The following ZNF219 variants were observed in gnomAD, a reference collection of about 807,000 sequenced individuals.
The protein encoded by ZNF219 is zinc finger protein 219.
ZNF219 carries 17 observed loss-of-function variants against 54.4 expected under a neutral mutation model. The ratio of observed to expected loss-of-function variants is 0.31; its 90% CI spans 0.21 to 0.47. ZNF219 has a LOEUF of 0.47. ZNF219 is among the 20% of genes least tolerant of loss of function. The pLI is 1.00. For missense variants in ZNF219, 1,014 were observed against 1,062.3 expected (o/e 0.95, Z 0.63); for synonymous variants, 518 against 476.4 (o/e 1.09, Z -1.14).
At chr14:21,093,546 G>C in intron 2 of ZNF219, 40 bp downstream of exon 2, 1 of 1,597,930 alleles carries the variant, frequency 6.3e-7, no homozygotes, top group South Asian at 1.1e-5. Context: ...GGAGTATACA[G>C]TTGTAGGTAC....
chr14:21,104,086 C>T (rs1046329162), intron 1 of ZNF219: 1 of 152,422 alleles, frequency 6.6e-6, no homozygotes, highest in Non-Finnish European at 1.5e-5. Flanking sequence ...CTCGTCCCCT[C>T]CCCTAGGGCC....
chr14:21,093,762 G>T, intron 1 of ZNF219, 88 bp from the exon 2 acceptor site: 1 of 1,258,166 alleles, frequency 7.9e-7, no homozygotes, highest in Non-Finnish European at 1.1e-6. Flanking sequence ...TCAGCATTCT[G>T]TATTCCCAAA....
rs1303332325 is a variant in ZNF219 at position 21,093,211 on chromosome 14, T to C, written c.86A>G (p.Tyr29Cys). 2 of 1,605,850 alleles carry C rather than the reference T, an allele frequency of 1.2e-6. No homozygotes were observed. Among genetic ancestry groups the C allele is most frequent in the Non-Finnish European group, 1.7e-6 (2 of 1,179,286 alleles). ...AFDGELDLQR[Y>C]SNGPAVSAGS... ...TGCGCTCACGGCTGGCCCGTTGGAG[T>C]ATCGCTGCAGATCCAGCTCGCCGTC... is the stretch of plus-strand genomic sequence containing the variant. The change falls in exon 3 of 5, where the codon TAC becomes TGC. Residue 29 changes from tyrosine to cysteine, a missense_variant. Physicochemically the swap from Tyr to Cys is radical, Grantham distance 194. Coordinates refer to ENST00000360947, the MANE Select transcript of ZNF219 (RefSeq NM_016423.3).
At position 21,092,825 on chromosome 14, in the gene ZNF219, G is replaced by A; in HGVS notation, c.472C>T (p.Pro158Ser). The change falls in exon 3 of 5, where the codon CCT (proline) becomes TCT (serine). Residue 158 changes from proline to serine, a missense_variant. Transcript: ENST00000360947. ...GGGCAACGGAAGGCGGACGATGAAGGAGCCTGGGGCCGCGCCAGACCCTCA... is the reference window on the plus strand; with the variant it reads ...GGGCAACGGAAGGCGGACGATGAAGAAGCCTGGGGCCGCGCCAGACCCTCA... ...ATEGLARPQA[P>S]SSSAFRCPYC... is the part of the protein sequence containing the mutation. 6.3e-7 allele frequency: 1 copy of A among 1,575,918 alleles called. No homozygotes were observed. Among genetic ancestry groups the A allele is most frequent in the Non-Finnish European group, 8.6e-7 (1 of 1,161,630 alleles).
rs779055981 is a variant in ZNF219, at chr14:21,092,623, G to A, written c.674C>T (p.Ala225Val). 1.3e-6 allele frequency: 2 copies of A among 1,555,310 alleles called. No individual in the cohort carries two copies. The highest frequency in any genetic ancestry group is 2.4e-5 in the South Asian group (2 of 84,964). The change falls in exon 3 of 5, where the codon GCG (alanine) becomes GTG (valine). Residue 225 changes from alanine (A) to valine (V), a missense_variant. By Grantham distance (64) the Ala-to-Val change is moderately conservative. Around this residue, in one of 5 missense-constraint regions of ZNF219, gnomAD observed 395 missense variants for 415.1 expected, o/e 0.95. Transcript: ENST00000360947. ...PERPLAATSA[A>V]PPPQPQPQPP... ...CTGAGGCTGAGGCTGAGGCGGAGGC[G>A]CAGCGGAGGTGGCCGCCAGGGGACG...
chr14:21,093,743 C>A, intron 1 of ZNF219, 69 bp from the exon 2 acceptor site: 1 of 1,393,730 alleles, frequency 7.2e-7, no homozygotes. Context: ...ACTCCCTACC[C>A]CCAGACTCTC....
upstream of ZNF219, chr14:21,103,385 T>A: frequency 7.1e-7 from 1 of 1,415,904 alleles, no homozygotes; most frequent in Non-Finnish European, 9.3e-7. Flanking sequence ...CTTTTTTCGT[T>A]CCTTCCCTGT....
intron 3 of ZNF219, 55 bp downstream of exon 3, chr14:21,091,810 C>A: frequency 1.4e-6 from 2 of 1,480,826 alleles, no homozygotes; most frequent in South Asian, 1.4e-5. Context: ...GGAGTGGCGG[C>A]GTAAGAGTCA....
upstream of ZNF219, chr14:21,102,001 G>A: frequency 6.4e-7 from 1 of 1,550,840 alleles, no homozygotes; most frequent in Non-Finnish European, 8.7e-7. Context: ...AGGGAGGGTG[G>A]AAGGTCCCAG....
chr14:21,104,705 G>A (rs759562486), exon 1 of ZNF219: 2 of 152,288 alleles, frequency 1.3e-5, no homozygotes, highest in Non-Finnish European at 2.9e-5. Context: ...TTCTGTTTGT[G>A]ACACCTTGGA....
rs1023381696 is a variant in ZNF219, at chr14:21,092,033, G to T, written c.1264C>A (p.Arg422Ser). 5 of 1,548,944 alleles carry T rather than the reference G, an allele frequency of 3.2e-6. No individual in the cohort carries two copies. The highest frequency in any genetic ancestry group is 4.4e-6 in the Non-Finnish European group (5 of 1,146,740). The change falls in exon 3 of 5, where the codon CGT becomes AGT. Residue 422 changes from arginine to serine, a missense_variant. Arg to Ser is a moderately radical substitution (Grantham distance 110, BLOSUM62 -1). Coordinates refer to ENST00000360947, the MANE Select transcript of ZNF219 (RefSeq NM_016423.3). ...SALPARARRH[R>S]AEEPEEEEEV... ...TCTTCTTCCTCAGGCTCCTCCGCACGGTGCCGGCGAGCCCGGGCCGGGAGA... is the reference window on the plus strand; with the variant it reads ...TCTTCTTCCTCAGGCTCCTCCGCACTGTGCCGGCGAGCCCGGGCCGGGAGA...
chr14:21,091,136 C>T lies in ZNF219; in HGVS notation c.1569G>A (p.Glu523=), dbSNP rs1448736123. Residue 523 remains glutamate, a synonymous_variant, in exon 5 of 5, where the codon GAG becomes GAA. Transcript: ENST00000360947. ...LKVHLRVHTG[E]RPYKCPHCDY... ...CGCAGTGCGGACACTTGTAGGGCCG[C>T]TCGCCTGGGGAGAGTGGGTGCGATA... 3 of 1,594,296 alleles carry T rather than the reference C, an allele frequency of 1.9e-6. No homozygotes were observed. The highest frequency in any genetic ancestry group is 2.6e-6 in the Non-Finnish European group (3 of 1,174,716).
upstream of ZNF219, chr14:21,098,894 C>T (rs1000510519): frequency 2.4e-6 from 3 of 1,272,434 alleles, no homozygotes; most frequent in Non-Finnish European, 3.1e-6. Context: ...ATCTCAAAGC[C>T]TCTCCCTTAC....
chr14:21,101,653 G>A, upstream of ZNF219: 1 of 650,384 alleles, frequency 1.5e-6, no homozygotes, highest in East Asian at 2.7e-5. Flanking sequence ...CATCTTGTGG[G>A]GGAAAACATA....
upstream of ZNF219, chr14:21,098,937 G>A: frequency 9.8e-7 from 1 of 1,015,804 alleles, no homozygotes; most frequent in Non-Finnish European, 1.3e-6. Context: ...GAGGAGGAGG[G>A]GCGATTATAG....
upstream of ZNF219, chr14:21,103,226 G>A (rs200993615): frequency 4.5e-4 from 703 of 1,551,590 alleles, 2 homozygotes; most frequent in Non-Finnish European, 2.1e-4. Flanking sequence ...GGGACAGCGG[G>A]AACAGACACG....
In ZNF219 at chr14:21,090,638, T is replaced by G. The variant is rs758932724; in HGVS notation, c.2067A>C (p.Arg689=). The G allele has an allele frequency of 8.7e-5, 140 of 1,612,382 alleles. No homozygotes were observed. Among genetic ancestry groups the G allele is most frequent in the Non-Finnish European group, 1.1e-4 (124 of 1,179,806 alleles). Residue 689 remains arginine (R), a synonymous_variant, in exon 5 of 5, where the codon CGA becomes CGC. Coordinates refer to ENST00000360947, the MANE Select transcript of ZNF219 (RefSeq NM_016423.3). This position sits in a 1 kb window ranked among gnomAD's most constrained non-coding sequence, Gnocchi z 4.4. ...PQADASPPYA[R]VPSGETPPSP... Reference sequence around the variant, plus strand: ...TGGGAGGGGTCTCTCCTGATGGTACTCGGGCATAGGGCGGGGACGCGTCAG... The same window carrying G: ...TGGGAGGGGTCTCTCCTGATGGTACGCGGGCATAGGGCGGGGACGCGTCAG...
chr14:21,103,187 G>T (rs1489871996), upstream of ZNF219: 1 of 1,551,560 alleles, frequency 6.4e-7, no homozygotes, highest in East Asian at 2.4e-5. Context: ...TGGTCCCACG[G>T]TGGCCAGCAC....
chr14:21,104,268 C>G (rs775512509), intron 1 of ZNF219: 1 of 152,286 alleles, frequency 6.6e-6, no homozygotes, highest in Admixed American at 6.5e-5. Context: ...AGCGGGACTG[C>G]GCAGGCTTGG....
Sources: gnomAD v4.1 joint callset for allele counts on GRCh38, gnomAD v4.1.1 for gene constraint, gnomAD v4.1.1 regional missense constraint, Gnocchi (gnomAD v3.1) non-coding constraint, MANE v1.5 for transcripts, NCBI Gene and HGNC (gene_info 2026-07-23, HGNC 2026-07-21) for gene names.